ARMC9: variants seen among roughly 807,000 people sequenced by gnomAD.
The protein encoded by ARMC9 is armadillo repeat containing 9.
A neutral mutation model predicts 107.0 loss-of-function variants in ARMC9; 94 were observed. The ratio of observed to expected loss-of-function variants is 0.88; its 90% CI spans 0.74 to 1.04. ARMC9 has a LOEUF of 1.04. ARMC9 is among the 50% of genes least tolerant of loss of function. ARMC9 has a pLI of 0.00. For synonymous variants in ARMC9, 380 were observed against 396.9 expected (o/e 0.96, Z 0.51); for missense variants, 942 against 1,030.1 (o/e 0.91, Z 1.17).
At chr2:231,329,371 C>T (rs6760039) in intron 19 of ARMC9, among the ~76,000 whole-genome samples, 5,759 of 152,050 alleles carry the variant, frequency 0.038, 344 homozygotes, top group African/African-American at 0.13. Context: ...AGTGCAGTGG[C>T]GTGATCTTGG....
intron 20 of ARMC9, among the ~76,000 whole-genome samples, chr2:231,337,909 C>T (rs1046152377): frequency 3.3e-5 from 5 of 152,204 alleles, no homozygotes; most frequent in Non-Finnish European, 7.4e-5. Context: ...CCTAAGTCTA[C>T]CCAACCAGAG....
intron 19 of ARMC9, among the ~76,000 whole-genome samples, chr2:231,323,774 T>G (rs534852816): frequency 2.6e-5 from 4 of 152,238 alleles, no homozygotes; most frequent in African/African-American, 7.2e-5. Context: ...CATGTCTTTC[T>G]GAATTAGAAC....
chr2:231,357,506 C>G (rs1476482513), intron 22 of ARMC9, among the ~76,000 whole-genome samples: 2 of 152,228 alleles, frequency 1.3e-5, no homozygotes, highest in Non-Finnish European at 2.9e-5. Flanking sequence ...TCACTGCCCT[C>G]CCTGGCCCTG....
intron 1 of ARMC9, among the ~76,000 whole-genome samples, chr2:231,201,422 G>T (rs1037898404): frequency 1.6e-4 from 24 of 152,160 alleles, no homozygotes; most frequent in Non-Finnish European, 2.5e-4. Flanking sequence ...ACTTTTGGGG[G>T]TTTCCACATC....
At chr2:231,226,724 A>C in intron 6 of ARMC9, 50 bp from the exon 7 acceptor site, 2 of 1,598,686 alleles carry the variant, frequency 1.3e-6, no homozygotes, top group Non-Finnish European at 1.7e-6. Flanking sequence ...CCGATACCCC[A>C]AGTACCGTTC....
intron 24 of ARMC9, 53 bp downstream of exon 24, chr2:231,370,178 C>G (rs4611631): frequency 0.059 from 85,795 of 1,455,444 alleles, 3,587 homozygotes; most frequent in African/African-American, 0.21. Flanking sequence ...CGCCAACCTG[C>G]AGGGAAGGGC....
At chr2:231,315,238 CA>C (rs561488611) in intron 19 of ARMC9, among the ~76,000 whole-genome samples, 3,776 of 94,274 alleles carry the variant, frequency 0.04, 59 homozygotes, top group Middle Eastern at 0.095. Context: ...GACTCTATCT[CA>C]AAAAAAAAAA....
chr2:231,309,634 A>C (rs1018503940), intron 19 of ARMC9, among the ~76,000 whole-genome samples: 3 of 152,202 alleles, frequency 2.0e-5, no homozygotes, highest in African/African-American at 7.2e-5. Flanking sequence ...TGTTCCTTGC[A>C]ACTTCAGAAT....
intron 9 of ARMC9, among the ~76,000 whole-genome samples, chr2:231,240,486 G>A (rs965816671): frequency 6.6e-6 from 1 of 152,212 alleles, no homozygotes; most frequent in African/African-American, 2.4e-5. Context: ...CCCGCTGCTA[G>A]CATTGGCCCC....
intron 9 of ARMC9, among the ~76,000 whole-genome samples, chr2:231,249,340 G>A (rs935090173): frequency 4.6e-5 from 7 of 152,060 alleles, no homozygotes; most frequent in South Asian, 4.2e-4. Flanking sequence ...GAGAAGTCCC[G>A]CGGGAGAACT....
intron 21 of ARMC9, among the ~76,000 whole-genome samples, chr2:231,351,264 A>G (rs1400053447): frequency 1.3e-5 from 2 of 151,444 alleles, no homozygotes; most frequent in East Asian, 1.9e-4. Flanking sequence ...CAAAGTGACA[A>G]TTCTAAGAAC....
chr2:231,215,569 C>G (rs2033407670), intron 4 of ARMC9, among the ~76,000 whole-genome samples: 1 of 152,194 alleles, frequency 6.6e-6, no homozygotes, highest in African/African-American at 2.4e-5. Context: ...TTGAATTTAG[C>G]ATCTGTAGTC....
At chr2:231,252,475 C>A (rs1446503918) in intron 9 of ARMC9, among the ~76,000 whole-genome samples, 1 of 152,110 alleles carries the variant, frequency 6.6e-6, no homozygotes, top group Non-Finnish European at 1.5e-5. Flanking sequence ...GTCTCGAACT[C>A]CTGACCTCAA....
rs557378073 is a variant in ARMC9, at chr2:231,222,708, T to G, written c.505-20T>G. On this transcript the variant is annotated intron_variant, in intron 5 of 24. Transcript: ENST00000611582. ...ACTTAGTAATCTAATGTTTGTATTT[T>G]TGTTCCCTTTTTTCTTTAGGATTCC... 1.0e-4 allele frequency: 135 copies of G among 1,342,728 alleles called. 2 individuals are homozygous for G. In the South Asian group the frequency reaches 1.5e-3, roughly 15 times the overall value. 83.2% of individuals were successfully genotyped at this position (1,342,728 alleles called of 1,614,324 possible).
At chr2:231,206,971 G>A (rs2032100214) in intron 2 of ARMC9, among the ~76,000 whole-genome samples, 1 of 152,232 alleles carries the variant, frequency 6.6e-6, no homozygotes, top group Admixed American at 6.5e-5. Flanking sequence ...ATTTGGTGGT[G>A]TGATGGCGAA....
chr2:231,361,820 A>G (rs1190467841), intron 23 of ARMC9, among the ~76,000 whole-genome samples: 1 of 152,214 alleles, frequency 6.6e-6, no homozygotes, highest in African/African-American at 2.4e-5. Context: ...ACAGGCAGGA[A>G]GACTGAGCAG....
At chr2:231,351,615 G>A (rs1321151611) in intron 21 of ARMC9, among the ~76,000 whole-genome samples, 1 of 152,014 alleles carries the variant, frequency 6.6e-6, no homozygotes, top group East Asian at 1.9e-4. Flanking sequence ...GTTTGTGTAT[G>A]TGTCTACATA....
At chr2:231,272,433 A>C (rs72985811) in intron 13 of ARMC9, among the ~76,000 whole-genome samples, 35,008 of 151,818 alleles carry the variant, frequency 0.23, 4,124 homozygotes, top group Non-Finnish European at 0.24. Flanking sequence ...CGGCTCAAAC[A>C]GTCTACCTGC....
In ARMC9 at chr2:231,233,660, C is replaced by T. The variant is rs549229631; in HGVS notation, c.623-1564C>T. On this transcript the variant is annotated intron_variant, in intron 7 of 24. Transcript: ENST00000611582. ...GCATGGTGGCACATGCCTGTAATCCCAGCTACTCGGGAAGCTGAGTCAGGG... is the reference window on the plus strand; with the variant it reads ...GCATGGTGGCACATGCCTGTAATCCTAGCTACTCGGGAAGCTGAGTCAGGG... Among the ~76,000 whole-genome samples, 495 of 152,128 alleles carry T rather than the reference C, an allele frequency of 3.3e-3. 5 individuals are homozygous for T. Among genetic ancestry groups the T allele is most frequent in the South Asian group, 8.1e-3 (39 of 4,798 alleles).
Sources: allele counts gnomAD v4.1 joint callset (sites outside exome capture counted in the v4.1 genomes callset), GRCh38; gene constraint gnomAD v4.1.1; transcripts MANE v1.5; gene names NCBI Gene and HGNC (gene_info 2026-07-23, HGNC 2026-07-21).